The following CSGALNACT1 variants were observed in gnomAD, a reference collection of about 807,000 sequenced individuals.
CSGALNACT1 encodes the protein beta4GalNAcT-1.
Under a neutral mutation model 51.0 loss-of-function variants are expected in CSGALNACT1, and 52 were observed. The ratio of observed to expected loss-of-function variants is 1.02; its 90% CI spans 0.82 to 1.29. The LOEUF (loss-of-function observed/expected upper bound fraction) is 1.29. CSGALNACT1 is among the 50% of genes most tolerant of loss of function. The probability of loss-of-function intolerance (pLI) is 0.00; values close to 1 mark genes in which losing one functional copy is unlikely to be tolerated. For synonymous variants in CSGALNACT1, 341 were observed against 254.4 expected (o/e 1.34, Z -3.24); for missense variants, 935 against 679.2 (o/e 1.38, Z -4.19).
chr8:19,471,503 A>C (rs2068162527), intron 4 of CSGALNACT1, among the ~76,000 whole-genome samples: 1 of 152,116 alleles, frequency 6.6e-6, no homozygotes, highest in South Asian at 2.1e-4. Flanking sequence ...TCCTGTTCTG[A>C]AACTTGCCTT....
At chr8:19,643,991 C>CAGTCATGT (rs1171420104) in intron 1 of CSGALNACT1, among the ~76,000 whole-genome samples, 2 of 152,192 alleles carry the variant, frequency 1.3e-5, no homozygotes, top group Non-Finnish European at 2.9e-5. Context: ...GATGTCTATG[C>CAGTCATGT]AGTCATGTGT....
chr8:19,571,190 A>C (rs956669565), intron 3 of CSGALNACT1, among the ~76,000 whole-genome samples: 1 of 152,036 alleles, frequency 6.6e-6, no homozygotes, highest in Non-Finnish European at 1.5e-5. Context: ...GGCTGGTCTC[A>C]AACTCCTGGG....
chr8:19,543,340 G>C (rs2085682019), intron 3 of CSGALNACT1, among the ~76,000 whole-genome samples: 1 of 152,144 alleles, frequency 6.6e-6, no homozygotes, highest in Non-Finnish European at 1.5e-5. Context: ...GCACGCCTGA[G>C]GCTTTCCTTA....
At chr8:19,496,821 C>G (rs2075562289) in intron 4 of CSGALNACT1, among the ~76,000 whole-genome samples, 1 of 152,134 alleles carries the variant, frequency 6.6e-6, no homozygotes, top group Admixed American at 6.5e-5. Flanking sequence ...CTTTGTGGTT[C>G]CAAGAAGTGG....
intron 7 of CSGALNACT1, among the ~76,000 whole-genome samples, chr8:19,419,327 G>C (rs530480024): frequency 3.0e-4 from 45 of 152,318 alleles, no homozygotes; most frequent in African/African-American, 1.0e-3. Context: ...GGGTGTGAAA[G>C]AGAGTCCTGG....
intron 4 of CSGALNACT1, among the ~76,000 whole-genome samples, chr8:19,472,275 G>A (rs544165432): frequency 3.9e-5 from 6 of 152,304 alleles, no homozygotes; most frequent in East Asian, 1.9e-4. Flanking sequence ...CCAGGATGTC[G>A]TGGGAAAGCA....
In CSGALNACT1 at chr8:19,667,007, GAAAGAAAGA is replaced by G. The variant is rs2059373117; in HGVS notation, c.-544+15457_-544+15465del. Among the ~76,000 whole-genome samples the G allele has an allele frequency of 1.5e-3, 47 of 31,674 alleles. 1 individual carries two copies. The highest frequency in any genetic ancestry group is 1.9e-3 in the Non-Finnish European group (34 of 17,688). The allele number at this position is 31,674 out of a possible 152,430, so 20.8% of individuals were successfully genotyped here. ...AGAAAGAAAGAAAGAAAGAAAGAAA[GAAAGAAAGA>G]AAGGAAGGAAGGAAGGAAGGAAGGA... On this transcript the variant is annotated intron_variant, in intron 1 of 9. Coordinates refer to the CSGALNACT1 transcript ENST00000332246.
chr8:19,463,781 G>C (rs936977380), intron 4 of CSGALNACT1, among the ~76,000 whole-genome samples: 1 of 152,088 alleles, frequency 6.6e-6, no homozygotes, highest in Non-Finnish European at 1.5e-5. Context: ...TTTGAGTTTG[G>C]TGTAATTACT....
At chr8:19,414,712 T>A (rs1013163283) in intron 8 of CSGALNACT1, among the ~76,000 whole-genome samples, 2 of 152,206 alleles carry the variant, frequency 1.3e-5, no homozygotes, top group Non-Finnish European at 2.9e-5. Context: ...CATTGACTAA[T>A]GTGATCCTAT....
chr8:19,469,115 T>C (rs1319890443), intron 4 of CSGALNACT1, among the ~76,000 whole-genome samples: 1 of 152,000 alleles, frequency 6.6e-6, no homozygotes, highest in Non-Finnish European at 1.5e-5. Context: ...CTGCCCTGAG[T>C]GCGGTGGCTC....
chr8:19,566,191 A>T (rs915512032), intron 3 of CSGALNACT1, among the ~76,000 whole-genome samples: 1 of 152,222 alleles, frequency 6.6e-6, no homozygotes, highest in Non-Finnish European at 1.5e-5. Flanking sequence ...TGGGTCCTAA[A>T]TGTCATCACA....
chr8:19,655,986 G>C (rs1287476281), intron 1 of CSGALNACT1, among the ~76,000 whole-genome samples: 2 of 152,260 alleles, frequency 1.3e-5, no homozygotes, highest in South Asian at 4.1e-4. Flanking sequence ...TCAGAGGATA[G>C]AGTATTTCAG....
intron 1 of CSGALNACT1, among the ~76,000 whole-genome samples, chr8:19,754,485 G>T (rs960291156): frequency 6.6e-6 from 1 of 152,012 alleles, no homozygotes; most frequent in Non-Finnish European, 1.5e-5. Flanking sequence ...GAAAACCACT[G>T]AAATACCTAG....
intron 1 of CSGALNACT1, among the ~76,000 whole-genome samples, chr8:19,662,244 G>A (rs905105521): frequency 1.2e-4 from 18 of 151,922 alleles, no homozygotes; most frequent in African/African-American, 2.2e-4. Context: ...CTAGCCAGGC[G>A]TGGTAGTGTG....
intron 3 of CSGALNACT1, among the ~76,000 whole-genome samples, chr8:19,534,387 G>C (rs1022950309): frequency 6.6e-6 from 1 of 152,078 alleles, no homozygotes; most frequent in Admixed American, 6.6e-5. Flanking sequence ...GGAGGCAGAG[G>C]CTGCAGTGAG....
chr8:19,600,737 T>G (rs138696568), intron 2 of CSGALNACT1, among the ~76,000 whole-genome samples: 121 of 152,214 alleles, frequency 7.9e-4, no homozygotes, highest in African/African-American at 2.6e-3. Flanking sequence ...CACACCCTCA[T>G]TTAAGTACAG....
chr8:19,586,407 G>A lies in CSGALNACT1; in HGVS notation c.-297+4753C>T, dbSNP rs73214636. Among the ~76,000 whole-genome samples, 592 of 94,734 alleles carry A rather than the reference G, an allele frequency of 6.2e-3. 3 individuals carry two copies. The highest frequency in any genetic ancestry group is 9.8e-3 in the African/African-American group (328 of 33,418). The allele number at this position is 94,734 out of a possible 152,430, so 62.1% of individuals were successfully genotyped here. On this transcript the variant is annotated intron_variant, in intron 3 of 9. Transcript: ENST00000454498. ...TGGAGACACGCACCGTAGTCTTATA[G>A]AAAAAAAAAAAAAAAAGAAGAAGAA... is the stretch of plus-strand genomic sequence containing the variant.
At chr8:19,530,491 C>T (rs2082554640) in intron 3 of CSGALNACT1, among the ~76,000 whole-genome samples, 1 of 152,138 alleles carries the variant, frequency 6.6e-6, no homozygotes, top group Non-Finnish European at 1.5e-5. Context: ...GCATTATAAT[C>T]ATGACATGTA....
chr8:19,678,501 G>A (rs1431351401), intron 1 of CSGALNACT1: 1 of 152,156 alleles, frequency 6.6e-6, no homozygotes, highest in African/African-American at 2.4e-5. Flanking sequence ...ATGCAAGTCA[G>A]GCACGTAATA....
Sources: gnomAD v4.1 joint callset for allele counts (sites outside exome capture counted in the v4.1 genomes callset) on GRCh38, gnomAD v4.1.1 for gene constraint, MANE v1.5 for transcripts, NCBI Gene and HGNC (gene_info 2026-07-23, HGNC 2026-07-21) for gene names.